Variants in LRRC4C observed in about 807,000 individuals in gnomAD.
LRRC4C encodes leucine-rich repeat-containing protein 4C.
LRRC4C carries 5 observed loss-of-function variants against 33.6 expected under a neutral mutation model. That is an observed-to-expected ratio of 0.15 (90% CI 0.08 to 0.31). The LOEUF (loss-of-function observed/expected upper bound fraction) is 0.31. LRRC4C is among the 10% of genes least tolerant of loss of function. The pLI is 1.00. For missense variants in LRRC4C, 560 were observed against 796.7 expected (o/e 0.70, Z 3.58); for synonymous variants, 329 against 302.0 (o/e 1.09, Z -0.93).
chr11:40,647,087 A>G (rs1003667463), intron 3 of LRRC4C, among the ~76,000 whole-genome samples: 4 of 152,198 alleles, frequency 2.6e-5, no homozygotes, highest in Non-Finnish European at 5.9e-5. Flanking sequence ...ATTCAGCTTA[A>G]TCTACATAAT....
At chr11:40,491,410 A>C (rs1226185331) in intron 3 of LRRC4C, among the ~76,000 whole-genome samples, 7 of 152,216 alleles carry the variant, frequency 4.6e-5, no homozygotes, top group Admixed American at 4.6e-4. Flanking sequence ...TCAGGAAACT[A>C]GGCACAACTT....
intron 1 of LRRC4C, among the ~76,000 whole-genome samples, chr11:41,094,153 C>G (rs955765478): frequency 1.1e-4 from 16 of 151,218 alleles, no homozygotes; most frequent in Non-Finnish European, 2.2e-4. Flanking sequence ...GACTCTCTTC[C>G]TTTTATCTCA....
intron 1 of LRRC4C, among the ~76,000 whole-genome samples, chr11:41,209,016 C>T (rs747039069): frequency 2.7e-5 from 4 of 147,692 alleles, no homozygotes; most frequent in African/African-American, 5.0e-5. Flanking sequence ...TAAGAGCAAA[C>T]GAACAGACAT....
At chr11:41,347,972 T>C (rs1951854145) in intron 1 of LRRC4C, among the ~76,000 whole-genome samples, 1 of 152,164 alleles carries the variant, frequency 6.6e-6, no homozygotes, top group South Asian at 2.1e-4. Context: ...TATGGGATTG[T>C]AGGGTGATTT....
intron 2 of LRRC4C, among the ~76,000 whole-genome samples, chr11:40,707,163 C>T (rs1288285408): frequency 6.6e-6 from 1 of 152,136 alleles, no homozygotes; most frequent in South Asian, 2.1e-4. Flanking sequence ...CAAACAGGGA[C>T]AATTTGACTT....
intron 2 of LRRC4C, among the ~76,000 whole-genome samples, chr11:40,846,501 T>C (rs955594419): frequency 6.6e-6 from 1 of 152,196 alleles, no homozygotes; most frequent in African/African-American, 2.4e-5. Context: ...TGTGTGGTGT[T>C]ACTGCTAAGG....
intron 1 of LRRC4C, among the ~76,000 whole-genome samples, chr11:40,977,883 A>G (rs371041774): frequency 6.6e-6 from 1 of 152,206 alleles, no homozygotes; most frequent in African/African-American, 2.4e-5. Context: ...GGGTGTGCTG[A>G]AGAATTGTGG....
chr11:40,339,864 G>A (rs941468930), intron 3 of LRRC4C, among the ~76,000 whole-genome samples: 4 of 152,052 alleles, frequency 2.6e-5, no homozygotes, highest in African/African-American at 9.7e-5. Flanking sequence ...GTAACTTCAT[G>A]TTTTAGGGCA....
intron 3 of LRRC4C, among the ~76,000 whole-genome samples, chr11:40,349,373 G>A (rs1000236638): frequency 1.3e-5 from 2 of 151,518 alleles, no homozygotes; most frequent in Non-Finnish European, 2.9e-5. Context: ...CTCCAGTTCC[G>A]TCTATGTTGC....
intron 1 of LRRC4C, among the ~76,000 whole-genome samples, chr11:41,115,677 A>G (rs573762070): frequency 6.6e-6 from 1 of 152,156 alleles, no homozygotes; most frequent in Admixed American, 6.6e-5. Context: ...AAATACCTCA[A>G]TGTTTTAGGC....
chr11:40,967,044 G>A (rs755188317), intron 1 of LRRC4C, among the ~76,000 whole-genome samples: 2 of 152,024 alleles, frequency 1.3e-5, no homozygotes, highest in African/African-American at 4.8e-5. Context: ...CCTGAAAGAG[G>A]TGACATTCAG....
At chr11:41,448,156 A>G (rs547420582) in intron 1 of LRRC4C, among the ~76,000 whole-genome samples, 196 of 37,566 alleles carry the variant, frequency 5.2e-3, no homozygotes, top group Non-Finnish European at 9.7e-3. Flanking sequence ...GCTTTACTTC[A>G]TCAGTGTCCA....
At chr11:40,153,803 G>T (rs765361846) in intron 5 of LRRC4C, among the ~76,000 whole-genome samples, 1 of 152,128 alleles carries the variant, frequency 6.6e-6, no homozygotes, top group Admixed American at 6.5e-5. Flanking sequence ...TATGTTAAAT[G>T]AAAAAAACCT....
At chr11:40,740,688 A>G (rs1296553077) in intron 2 of LRRC4C, among the ~76,000 whole-genome samples, 3 of 151,932 alleles carry the variant, frequency 2.0e-5, no homozygotes, top group Admixed American at 6.6e-5. Flanking sequence ...CTTTTGGGTC[A>G]TATCAAAAAT....
chr11:40,628,722 G>A (rs538502335), intron 3 of LRRC4C, among the ~76,000 whole-genome samples: 1 of 152,260 alleles, frequency 6.6e-6, no homozygotes, highest in Admixed American at 6.5e-5. Context: ...GACAATTTCA[G>A]AAGTGTTTGC....
chr11:41,435,535 C>T (rs1056842126), intron 1 of LRRC4C, among the ~76,000 whole-genome samples: 2 of 152,176 alleles, frequency 1.3e-5, no homozygotes, highest in African/African-American at 4.8e-5. Flanking sequence ...TACTAAGGAA[C>T]AAGCATTCCA....
chr11:40,718,846 G>A (rs570844566), intron 2 of LRRC4C, among the ~76,000 whole-genome samples: 1 of 152,160 alleles, frequency 6.6e-6, no homozygotes, highest in African/African-American at 2.4e-5. Context: ...AGCAGTCACT[G>A]GAGACAGATA....
At chr11:40,815,514 A>G (rs772475531) in intron 2 of LRRC4C, among the ~76,000 whole-genome samples, 1 of 152,192 alleles carries the variant, frequency 6.6e-6, no homozygotes, top group Non-Finnish European at 1.5e-5. Context: ...TTTACCTTGC[A>G]GGTCTTGGAT....
chr11:40,436,847 G>A (rs1469519499), intron 3 of LRRC4C, among the ~76,000 whole-genome samples: 1 of 152,124 alleles, frequency 6.6e-6, no homozygotes, highest in African/African-American at 2.4e-5. Context: ...TCCCAACTGA[G>A]GCTGGAGACC....
Sources: gnomAD v4.1 joint callset for allele counts (sites outside exome capture counted in the v4.1 genomes callset) on GRCh38, gnomAD v4.1.1 for gene constraint, MANE v1.5 for transcripts, NCBI Gene and HGNC (gene_info 2026-07-23, HGNC 2026-07-21) for gene names.